Variants in SCUBE2 observed in about 807,000 individuals in gnomAD.
SCUBE2 encodes the protein signal peptide, CUB domain and EGF like domain containing 2, also known as signal peptide, CUB and EGF-like domain-containing protein 2.
A neutral mutation model predicts 125.9 loss-of-function variants in SCUBE2; 114 were observed. The ratio of observed to expected loss-of-function variants is 0.91; its 90% CI spans 0.78 to 1.06. SCUBE2 has a LOEUF of 1.06. Ranked by LOEUF, SCUBE2 falls within the 50% of genes least tolerant of loss-of-function variation. The pLI is 0.00. For synonymous variants in SCUBE2, 459 were observed against 492.9 expected, an observed-to-expected ratio of 0.93 and a Z score of 0.91; for missense variants, 1,255 against 1,301.8, an observed-to-expected ratio of 0.96 and a Z score of 0.55.
In SCUBE2 at chr11:9,021,156, A is replaced by T; in HGVS notation, c.2976T>A (p.His992Gln). ...LIKALFDVLA[H>Q]PQNYFKYTAQ... ...CTGTGTACTTGAAATAGTTCTGGGG[A>T]TGGGCCAGGACATCAAACAGAGCCT... Residue 992 changes from histidine (H) to glutamine (Q), a missense_variant, in exon 23 of 23, where the codon CAT becomes CAA. Physicochemically the swap from His to Gln is conservative, Grantham distance 24 (BLOSUM62 0). Coordinates refer to ENST00000649792, the MANE Select transcript of SCUBE2 (RefSeq NM_001367977.2). 1.3e-5 allele frequency: 21 copies of T among 1,611,258 alleles called. No homozygotes were observed. Among genetic ancestry groups the T allele is most frequent in the Non-Finnish European group, 1.8e-5 (21 of 1,178,650 alleles).
Position 9,053,577 on chromosome 11 carries a change from G to T in SCUBE2, c.1330+60C>A, listed in dbSNP as rs562039172. 4.5e-5 allele frequency: 71 copies of T among 1,594,348 alleles called. No homozygotes were observed. The African/African-American group carries it at 8.6e-4, about 19-fold the overall frequency. On this transcript the variant is annotated intron_variant, in intron 11 of 22. Coordinates refer to ENST00000649792, the MANE Select transcript of SCUBE2 (RefSeq NM_001367977.2). Reference sequence around the variant, plus strand: ...GTGGGATGTGGGAGCACGCAGAGCTGCACTGCCTCTGGGCCAGTGGCCAGC... The same window carrying T: ...GTGGGATGTGGGAGCACGCAGAGCTTCACTGCCTCTGGGCCAGTGGCCAGC...
At chr11:9,083,731 G>A (rs1319113164) in intron 2 of SCUBE2, among the ~76,000 whole-genome samples, 4 of 151,718 alleles carry the variant, frequency 2.6e-5, no homozygotes, top group Admixed American at 1.3e-4. Flanking sequence ...TAGTAGAGAC[G>A]GGGTTTCACT....
chr11:9,079,880 T>C (rs1013113170), intron 2 of SCUBE2, among the ~76,000 whole-genome samples: 10 of 152,202 alleles, frequency 6.6e-5, no homozygotes, highest in Admixed American at 5.9e-4. Context: ...TAATACGTTA[T>C]CTTCATGTAA....
rs79573592 is a variant in SCUBE2, at chr11:9,074,485, C to T, written c.513G>A (p.Ser171=). 97 of 1,614,104 alleles carry T rather than the reference C, an allele frequency of 6.0e-5. 1 individual carries two copies. In the East Asian group the frequency reaches 1.9e-3, roughly 31 times the overall value. The change falls in exon 4 of 23, where the codon TCG becomes TCA. Residue 171 remains serine (S), a synonymous_variant. Transcript: ENST00000649792. ...TCCACAGCTGGGCAGAGGTACCTTC[C>T]GAGCGGTGAATGCAGGTGTGCTGAT... The part of the protein sequence containing the change: ...SDNQHTCIHR[S]EEGLSCMNKD...
chr11:9,082,633 T>C lies in SCUBE2; in HGVS notation c.257-3124A>G, dbSNP rs78964656. On this transcript the variant is annotated intron_variant, in intron 2 of 22. Coordinates refer to ENST00000649792, the MANE Select transcript of SCUBE2 (RefSeq NM_001367977.2). ...GGTATATTCATACAATGGACTACTATTAAACGATAAAAATGAATGAAATGC... is the reference window on the plus strand; with the variant it reads ...GGTATATTCATACAATGGACTACTACTAAACGATAAAAATGAATGAAATGC... Among the ~76,000 whole-genome samples, 431 of 152,312 alleles carry C rather than the reference T, an allele frequency of 2.8e-3. 2 individuals carry two copies. Among genetic ancestry groups the C allele is most frequent in the Non-Finnish European group, 4.7e-3 (321 of 68,020 alleles).
chr11:9,024,003 T>C (rs2135010582), intron 21 of SCUBE2, among the ~76,000 whole-genome samples: 1 of 151,908 alleles, frequency 6.6e-6, no homozygotes, highest in Non-Finnish European at 1.5e-5. Context: ...AAATATATGT[T>C]TGAAAAAAAA....
intron 16 of SCUBE2, among the ~76,000 whole-genome samples, chr11:9,039,742 GAC>G (rs1857040931): frequency 6.6e-6 from 1 of 152,144 alleles, no homozygotes; most frequent in Admixed American, 6.5e-5. Context: ...TGAGGCACAA[GAC>G]ACATGTGAGG....
chr11:9,079,066 G>C (rs1861423970), intron 3 of SCUBE2, among the ~76,000 whole-genome samples: 1 of 150,908 alleles, frequency 6.6e-6, no homozygotes, highest in South Asian at 2.1e-4. Flanking sequence ...TTACAGCATT[G>C]AAAAAAAAAA....
intron 2 of SCUBE2, among the ~76,000 whole-genome samples, chr11:9,086,766 T>C (rs1393901095): frequency 1.3e-5 from 2 of 150,006 alleles, no homozygotes; most frequent in Non-Finnish European, 2.9e-5. Context: ...AGCAGGAGAA[T>C]TGCTTGAACC....
In SCUBE2 at chr11:9,066,825, A is replaced by G; in HGVS notation, c.644-12T>C. On this transcript the variant is annotated splice_polypyrimidine_tract_variant and intron_variant, in intron 5 of 22. Transcript: ENST00000649792. ...ATGGTTACAGGTCACTGACAGCAAA[A>G]TGAATCAATACATAAAGCACTGAGA... The G allele has an allele frequency of 6.3e-7, 1 of 1,591,480 alleles. No homozygotes were observed. Among genetic ancestry groups the G allele is most frequent in the South Asian group, 1.1e-5 (1 of 90,634 alleles).
At chr11:9,034,998 A>C (rs893152528) in intron 16 of SCUBE2, among the ~76,000 whole-genome samples, 4 of 152,206 alleles carry the variant, frequency 2.6e-5, no homozygotes, top group African/African-American at 9.6e-5. Flanking sequence ...CTCTGTCTCA[A>C]AGAAAAAAAA....
At chr11:9,052,286 C>T (rs1304298960) in intron 13 of SCUBE2, among the ~76,000 whole-genome samples, 1 of 152,240 alleles carries the variant, frequency 6.6e-6, no homozygotes, top group African/African-American at 2.4e-5. Flanking sequence ...GCGTCTATAT[C>T]CGGGAGGACA....
chr11:9,076,804 C>G (rs559856532), intron 3 of SCUBE2, among the ~76,000 whole-genome samples: 5 of 152,300 alleles, frequency 3.3e-5, no homozygotes, highest in Non-Finnish European at 7.4e-5. Context: ...TGATGGGACT[C>G]AAGCCATCCC....
chr11:9,045,591 A>G (rs1376437999), intron 16 of SCUBE2, among the ~76,000 whole-genome samples: 1 of 143,556 alleles, frequency 7.0e-6, no homozygotes, highest in African/African-American at 2.6e-5. Flanking sequence ...ATAGACCAGG[A>G]CTAGAAGACA....
At position 9,048,197 on chromosome 11, in the gene SCUBE2, A is replaced by T. The variant is rs1024558611; in HGVS notation, c.1640-99T>A. 5 of 1,177,282 alleles carry T rather than the reference A, an allele frequency of 4.2e-6. No homozygotes were observed. In the African/African-American group the frequency reaches 7.7e-5, roughly 18 times the overall value. 72.9% of individuals were successfully genotyped at this position (1,177,282 alleles called of 1,614,324 possible). ...TAAACATTTCATTAAAACAACTCTC[A>T]AGGGACTAAGTGATTATCTCCAGAT... On this transcript the variant is annotated intron_variant, in intron 14 of 22. Transcript: ENST00000649792.
intron 2 of SCUBE2, among the ~76,000 whole-genome samples, chr11:9,082,903 C>T (rs953251755): frequency 6.6e-6 from 1 of 152,186 alleles, no homozygotes; most frequent in Admixed American, 6.5e-5. Flanking sequence ...TTGCACAATT[C>T]AGCTGATTTA....
chr11:9,027,187 T>G (rs1855841876), intron 20 of SCUBE2, 177 bp downstream of exon 20: 2 of 636,512 alleles, frequency 3.1e-6, no homozygotes, highest in Admixed American at 5.5e-5. Flanking sequence ...AGCAAGACGC[T>G]TCAGTGTGTG....
rs764471217 is a variant in SCUBE2 at position 9,048,044 on chromosome 11, G to C, written c.1694C>G (p.Ser565Cys). ...AGGGGCTCCTGGGACTTGCTTGCCA[G>C]AGCTGCATGTAAGGTTTACGTAGCG... Reference protein sequence around the residue: ...SFRYVNLTCSSGKQVPGAPGR... With the variant: ...SFRYVNLTCSCGKQVPGAPGR... The change falls in exon 15 of 23, where the codon TCT becomes TGT. Residue 565 changes from serine (S) to cysteine (C), a missense_variant. Around this residue, in one of 3 missense-constraint regions of SCUBE2, gnomAD observed 378 missense variants for 463.1 expected, o/e 0.82. Transcript: ENST00000649792. The C allele has an allele frequency of 1.2e-6, 2 of 1,614,176 alleles. No individual in the cohort carries two copies. Among genetic ancestry groups the C allele is most frequent in the African/African-American group, 1.3e-5 (1 of 75,060 alleles).
intron 19 of SCUBE2, among the ~76,000 whole-genome samples, chr11:9,029,272 C>G (rs1247962642): frequency 6.6e-6 from 1 of 152,244 alleles, no homozygotes; most frequent in Non-Finnish European, 1.5e-5. Context: ...GCCTCCTGGT[C>G]TGCCTGAGAC....
Sources: allele counts gnomAD v4.1 joint callset (sites outside exome capture counted in the v4.1 genomes callset), GRCh38; gene constraint gnomAD v4.1.1; regional missense constraint gnomAD v4.1.1; transcripts MANE v1.5; gene names NCBI Gene and HGNC (gene_info 2026-07-23, HGNC 2026-07-21).